PPM1D: variants seen among roughly 807,000 people sequenced by gnomAD.
The protein encoded by PPM1D is protein phosphatase, Mg2+/Mn2+ dependent 1D.
A neutral mutation model predicts 58.3 loss-of-function variants in PPM1D; 52 were observed. The ratio of observed to expected loss-of-function variants is 0.89; its 90% CI spans 0.71 to 1.12. The LOEUF (loss-of-function observed/expected upper bound fraction) is 1.12. Ranked by LOEUF, PPM1D falls within the 50% of genes most tolerant of loss-of-function variation. The pLI, the probability that PPM1D is intolerant of heterozygous loss-of-function variation, is 0.00. For missense variants in PPM1D, 564 were observed against 777.2 expected (o/e 0.73, Z 3.26); for synonymous variants, 278 against 285.1 (o/e 0.98, Z 0.25).
intron 3 of PPM1D, among the ~76,000 whole-genome samples, chr17:60,645,697 T>G (rs1445902811): frequency 1.4e-5 from 2 of 146,538 alleles, no homozygotes; most frequent in Non-Finnish European, 3.0e-5. Context: ...TGTAGGTAGG[T>G]AGATAGGTAT....
intron 4 of PPM1D, among the ~76,000 whole-genome samples, chr17:60,649,470 C>T (rs903787794): frequency 1.3e-5 from 2 of 151,728 alleles, no homozygotes; most frequent in Non-Finnish European, 2.9e-5. Context: ...GGGTGGATCA[C>T]CCAAGGTCAG....
intron 5 of PPM1D, 141 bp from the exon 6 acceptor site, chr17:60,662,854 A>G: frequency 4.2e-6 from 3 of 715,820 alleles, no homozygotes; most frequent in Non-Finnish European, 7.0e-6. Flanking sequence ...AGTTCAGTAA[A>G]TAGAAGGTGA....
chr17:60,653,762 A>T (rs1256665997), intron 4 of PPM1D, among the ~76,000 whole-genome samples: 3 of 152,152 alleles, frequency 2.0e-5, no homozygotes, highest in African/African-American at 7.2e-5. Flanking sequence ...GGTTAAATTG[A>T]TTACTAGGCA....
At chr17:60,624,738 A>T (rs1328680157) in intron 2 of PPM1D, among the ~76,000 whole-genome samples, 1 of 152,170 alleles carries the variant, frequency 6.6e-6, no homozygotes. Flanking sequence ...GTGAGCTGAG[A>T]TTGCACCATT....
At chr17:60,641,693 G>A (rs1313620009) in intron 3 of PPM1D, among the ~76,000 whole-genome samples, 4 of 152,088 alleles carry the variant, frequency 2.6e-5, no homozygotes, top group African/African-American at 9.7e-5. Context: ...TACAGTTTGA[G>A]GTCTTACATT....
chr17:60,645,456 A>ATCTG (rs1555647633), intron 3 of PPM1D, among the ~76,000 whole-genome samples: 1 of 123,908 alleles, frequency 8.1e-6, no homozygotes, highest in Non-Finnish European at 1.6e-5. Context: ...TAAAATATAT[A>ATCTG]TGTGTGTGTG....
chr17:60,660,729 C>G (rs1387533099), intron 5 of PPM1D, among the ~76,000 whole-genome samples: 1 of 152,000 alleles, frequency 6.6e-6, no homozygotes, highest in Non-Finnish European at 1.5e-5. Flanking sequence ...CCACTGCACT[C>G]CAGCCTGGGT....
At chr17:60,650,358 C>G (rs2143706835) in intron 4 of PPM1D, among the ~76,000 whole-genome samples, 1 of 152,284 alleles carries the variant, frequency 6.6e-6, no homozygotes, top group East Asian at 1.9e-4. Flanking sequence ...CGAGACCGGC[C>G]TGGCCAACAT....
At chr17:60,642,824 T>C (rs1033458891) in intron 3 of PPM1D, among the ~76,000 whole-genome samples, 2 of 152,032 alleles carry the variant, frequency 1.3e-5, no homozygotes, top group East Asian at 2.0e-4. Context: ...CCCAGCACTT[T>C]GGAAGGCCGA....
chr17:60,619,908 A>C (rs1189668477), intron 1 of PPM1D, among the ~76,000 whole-genome samples: 1 of 152,070 alleles, frequency 6.6e-6, no homozygotes, highest in Admixed American at 6.5e-5. Flanking sequence ...TTCTGTTCAT[A>C]TACTTGTTGC....
chr17:60,635,878 A>C (rs2031014185), intron 3 of PPM1D, among the ~76,000 whole-genome samples: 1 of 152,240 alleles, frequency 6.6e-6, no homozygotes, highest in African/African-American at 2.4e-5. Context: ...TAGGAGTTTA[A>C]AACATTTTTT....
chr17:60,633,737 T>G (rs1020484227), intron 2 of PPM1D, 116 bp from the exon 3 acceptor site: 1 of 1,130,856 alleles, frequency 8.8e-7, no homozygotes, highest in African/African-American at 1.6e-5. Flanking sequence ...TTGAAACACA[T>G]AAGACATTAT....
chr17:60,657,924 A>T (rs1311707882), intron 5 of PPM1D, among the ~76,000 whole-genome samples: 1 of 152,112 alleles, frequency 6.6e-6, no homozygotes, highest in Non-Finnish European at 1.5e-5. Flanking sequence ...TATTTTTAGT[A>T]GAGATGGGGT....
chr17:60,657,838 C>T (rs907802044), intron 5 of PPM1D, among the ~76,000 whole-genome samples: 1 of 152,278 alleles, frequency 6.6e-6, no homozygotes, highest in South Asian at 2.1e-4. Flanking sequence ...CTCCCAGGTT[C>T]AGGTGATTCT....
At chr17:60,661,502 T>C (rs1339592796) in intron 5 of PPM1D, among the ~76,000 whole-genome samples, 1 of 152,158 alleles carries the variant, frequency 6.6e-6, no homozygotes, top group Non-Finnish European at 1.5e-5. Flanking sequence ...AATGTTCTTA[T>C]CTGGAGGTGA....
intron 5 of PPM1D, among the ~76,000 whole-genome samples, chr17:60,658,146 T>G (rs374015399): frequency 6.6e-6 from 1 of 152,192 alleles, no homozygotes; most frequent in Admixed American, 6.5e-5. Flanking sequence ...AGAGCTTATG[T>G]TTGTATATTT....
rs748215160 is a variant in PPM1D at position 60,600,771 on chromosome 17, C to T, written c.357C>T (p.His119=). The T allele has an allele frequency of 1.1e-5, 17 of 1,612,642 alleles. No homozygotes were observed. Among genetic ancestry groups the T allele is most frequent in the Non-Finnish European group, 1.4e-5 (16 of 1,179,966 alleles). Residue 119 remains histidine (H), a synonymous_variant, in exon 1 of 6, where the codon CAC becomes CAT. Transcript: ENST00000305921. The part of the protein sequence containing the change: ...GREAAQFARE[H]LWGFIKKQKG... The stretch of plus-strand genomic sequence containing the variant: ...AGGCGGCACAGTTTGCCCGGGAGCA[C>T]TTGTGGGGTTTCATCAAGAAGCAGA...
At chr17:60,658,493 A>G (rs1444024278) in intron 5 of PPM1D, among the ~76,000 whole-genome samples, 2 of 151,922 alleles carry the variant, frequency 1.3e-5, no homozygotes, top group Non-Finnish European at 2.9e-5. Flanking sequence ...TACTAAAAAT[A>G]CAAAATTAGC....
chr17:60,638,475 T>G (rs1274916406), intron 3 of PPM1D, among the ~76,000 whole-genome samples: 1 of 152,066 alleles, frequency 6.6e-6, no homozygotes, highest in Non-Finnish European at 1.5e-5. Context: ...CTCAAATGAT[T>G]CTTCTGCCTC....
Sources: allele counts gnomAD v4.1 joint callset (sites outside exome capture counted in the v4.1 genomes callset), GRCh38; gene constraint gnomAD v4.1.1; transcripts MANE v1.5; gene names NCBI Gene and HGNC (gene_info 2026-07-23, HGNC 2026-07-21).